Variants in ATF2 observed in about 807,000 individuals in gnomAD.
The protein encoded by ATF2 is cyclic AMP-dependent transcription factor ATF-2.
Under a neutral mutation model 60.6 loss-of-function variants are expected in ATF2, and 24 were observed. The ratio of observed to expected loss-of-function variants is 0.40; its 90% CI spans 0.29 to 0.56. ATF2 has a LOEUF of 0.56. Among genes scored for constraint, ATF2 ranks in the 20% least tolerant of loss-of-function variants. ATF2 has a pLI of 0.54. For synonymous variants in ATF2, 206 were observed against 215.4 expected (o/e 0.96, Z 0.38); for missense variants, 433 against 607.7 (o/e 0.71, Z 3.02).
chr2:175,084,497 G>T (rs556470622), intron 12 of ATF2, among the ~76,000 whole-genome samples: 41 of 111,188 alleles, frequency 3.7e-4, no homozygotes, highest in African/African-American at 1.3e-3. Flanking sequence ...ACTGTTGTGG[G>T]GTGGGGGGAG....
chr2:175,074,943 G>A (rs1460712967), intron 13 of ATF2, 108 bp from the exon 14 acceptor site: 24 of 1,534,694 alleles, frequency 1.6e-5, no homozygotes, highest in Middle Eastern at 3.7e-4. Context: ...TTACAAAACT[G>A]ATTAGACAAG....
Position 175,074,839 on chromosome 2 carries a change from G to A in ATF2, c.1292-4C>T, listed in dbSNP as rs755847095. 6.2e-7 allele frequency: 1 copy of A among 1,613,098 alleles called. No individual in the cohort carries two copies. Among genetic ancestry groups the A allele is most frequent in the African/African-American group, 1.3e-5 (1 of 74,932 alleles). On this transcript the variant is annotated splice_polypyrimidine_tract_variant and splice_region_variant and intron_variant, in intron 13 of 13. Transcript: ENST00000264110. ...GAACTATCATCTTTATCAGCAGCTG[G>A]GTGGAAAAAAGAAAAATTATTCATT...
chr2:175,110,456 T>C lies in ATF2; in HGVS notation c.828+1112A>G, dbSNP rs1325417559. ...AGAAGGTGTCTAATAACTACTAATC[T>C]ATTGATTTCCTAAGGATACATTAAT... is the stretch of plus-strand genomic sequence containing the variant. On this transcript the variant is annotated intron_variant, in intron 10 of 13. Coordinates refer to ENST00000264110, the MANE Select transcript of ATF2 (RefSeq NM_001880.4). Among the ~76,000 whole-genome samples, 5 of 152,202 alleles carry C rather than the reference T, an allele frequency of 3.3e-5. No individual in the cohort carries two copies. The East Asian group carries it at 9.6e-4, about 29-fold the overall frequency.
intron 2 of ATF2, among the ~76,000 whole-genome samples, chr2:175,143,297 G>A (rs1024508953): frequency 3.8e-4 from 57 of 151,912 alleles, no homozygotes; most frequent in African/African-American, 1.2e-3. Context: ...AAAAAAAGAA[G>A]AAAAATATAT....
At chr2:175,105,631 A>T (rs1014519848) in intron 10 of ATF2, among the ~76,000 whole-genome samples, 3 of 152,212 alleles carry the variant, frequency 2.0e-5, no homozygotes, top group Admixed American at 1.3e-4. Flanking sequence ...AAATTCAAGT[A>T]ACCAGAATTC....
intron 1 of ATF2, chr2:175,167,528 GCCTCCCGATCCT>G (rs1317308490): frequency 2.3e-6 from 1 of 431,892 alleles, no homozygotes; most frequent in African/African-American, 2.0e-5. Context: ...TTTCAGCCGC[GCCTCCCGATCCT>G]CCTCCCCGCC....
chr2:175,114,548 C>T, intron 8 of ATF2, 142 bp downstream of exon 8: 3 of 1,392,230 alleles, frequency 2.2e-6, no homozygotes, highest in African/African-American at 1.5e-5. Context: ...GAAGACTACG[C>T]AAGTACTTTT....
intron 3 of ATF2, among the ~76,000 whole-genome samples, chr2:175,136,033 T>G (rs62994060): frequency 1.4e-5 from 2 of 146,604 alleles, no homozygotes; most frequent in Non-Finnish European, 1.5e-5. Flanking sequence ...TTTTTTTTTT[T>G]GGCAGGACTC....
chr2:175,165,856 G>A (rs1250869195), intron 1 of ATF2, among the ~76,000 whole-genome samples: 1 of 152,150 alleles, frequency 6.6e-6, no homozygotes, highest in East Asian at 1.9e-4. Flanking sequence ...AGTAGAGACG[G>A]GGTTTCACCG....
chr2:175,147,089 T>C (rs1369409100), intron 2 of ATF2, among the ~76,000 whole-genome samples: 1 of 152,176 alleles, frequency 6.6e-6, no homozygotes, highest in Non-Finnish European at 1.5e-5. Flanking sequence ...TATACTACAG[T>C]AGAATAATTT....
At chr2:175,167,079 T>G (rs567039929) in intron 1 of ATF2, among the ~76,000 whole-genome samples, 1 of 152,292 alleles carries the variant, frequency 6.6e-6, no homozygotes, top group East Asian at 1.9e-4. Flanking sequence ...CTCCATGATA[T>G]TCACAGTAGT....
At position 175,121,987 on chromosome 2, in the gene ATF2, G is replaced by C. The variant is rs183094711; in HGVS notation, c.103-447C>G. 2.2e-4 allele frequency among the ~76,000 whole-genome samples: 33 copies of C among 151,880 alleles called. No individual in the cohort carries two copies. The East Asian group carries it at 6.4e-3, about 29-fold the overall frequency. Reference sequence around the variant, plus strand: ...TTTAAAAGAGAATTTTCTTATAAAAGTATTACGCCTGGACAAAATTTAGAA... The same window carrying C: ...TTTAAAAGAGAATTTTCTTATAAAACTATTACGCCTGGACAAAATTTAGAA... On this transcript the variant is annotated intron_variant, in intron 4 of 13. Transcript: ENST00000264110.
intron 4 of ATF2, among the ~76,000 whole-genome samples, chr2:175,125,874 C>T (rs1282798315): frequency 6.6e-6 from 1 of 152,144 alleles, no homozygotes; most frequent in African/African-American, 2.4e-5. Flanking sequence ...AAGGACCCCA[C>T]TCCTGCAATG....
intron 10 of ATF2, among the ~76,000 whole-genome samples, chr2:175,097,879 G>A (rs766441177): frequency 1.1e-4 from 17 of 152,156 alleles, no homozygotes; most frequent in Non-Finnish European, 1.9e-4. Flanking sequence ...AGCTGGGTTT[G>A]TCTCTCTTAG....
At chr2:175,085,192 A>C (rs946944232) in intron 12 of ATF2, among the ~76,000 whole-genome samples, 31 of 152,192 alleles carry the variant, frequency 2.0e-4, no homozygotes, top group African/African-American at 7.2e-4. Flanking sequence ...TATGTGACAA[A>C]AGTACTGAAA....
In ATF2 at chr2:175,081,346, C is replaced by T. The variant is rs528318325; in HGVS notation, c.1186-581G>A. On this transcript the variant is annotated intron_variant, in intron 12 of 13. Coordinates refer to ENST00000264110, the MANE Select transcript of ATF2 (RefSeq NM_001880.4). ...TTTAAATGGCTTAGCTGCCTTTGAC[C>T]CAGGCAATTTGTACACATCTAAATT... 3.9e-5 allele frequency among the ~76,000 whole-genome samples: 6 copies of T among 152,198 alleles called. 1 individual carries two copies. The South Asian group carries it at 1.2e-3, about 32-fold the overall frequency.
intron 10 of ATF2, among the ~76,000 whole-genome samples, chr2:175,107,025 T>C (rs1695720118): frequency 1.3e-5 from 2 of 151,838 alleles, no homozygotes; most frequent in South Asian, 2.1e-4. Context: ...CTTGAGGGGC[T>C]AAGGCAGGAG....
Position 175,072,423 on chromosome 2 carries a change from T to C in ATF2, c.*2186A>G, listed in dbSNP as rs1433055109. 1 of 152,204 alleles carries C rather than the reference T, an allele frequency of 6.6e-6. No individual in the cohort carries two copies. The highest frequency in any genetic ancestry group is 1.5e-5 in the Non-Finnish European group (1 of 68,018). The allele number at this position is 152,204 out of a possible 1,614,324, so 9.4% of individuals were successfully genotyped here. On this transcript the variant is annotated 3_prime_UTR_variant, in exon 14 of 14. Transcript: ENST00000264110. ...AAAATGGAATTTGTGTTTATACAAC[T>C]AATAATGATTTTTATTTGCTCAGTA...
At chr2:175,131,411 G>A (rs1479597322) in intron 3 of ATF2, among the ~76,000 whole-genome samples, 1 of 152,164 alleles carries the variant, frequency 6.6e-6, no homozygotes, top group Non-Finnish European at 1.5e-5. Flanking sequence ...GAAAAGTTAA[G>A]ACTGAGGCAG....
Sources: allele counts gnomAD v4.1 joint callset (sites outside exome capture counted in the v4.1 genomes callset), GRCh38; gene constraint gnomAD v4.1.1; transcripts MANE v1.5; gene names NCBI Gene and HGNC (gene_info 2026-07-23, HGNC 2026-07-21).